Variants in FYB2 observed in about 807,000 individuals in gnomAD.
The protein encoded by FYB2 is FYN binding protein 2, also known as FYN-binding protein 2.
A neutral mutation model predicts 94.1 loss-of-function variants in FYB2; 103 were observed. The ratio of observed to expected loss-of-function variants is 1.09; its 90% confidence interval spans 0.93 to 1.29. The LOEUF (loss-of-function observed/expected upper bound fraction) is 1.29. FYB2 is among the 50% of genes most tolerant of loss of function. The pLI is 0.00. For missense variants in FYB2, 896 were observed against 841.5 expected, an observed-to-expected ratio of 1.06 and a Z score of -0.80; for synonymous variants, 293 against 287.9, an observed-to-expected ratio of 1.02 and a Z score of -0.18.
chr1:56,757,289 A>G (rs1348507774), intron 6 of FYB2, among the ~76,000 whole-genome samples: 1 of 152,098 alleles, frequency 6.6e-6, no homozygotes, highest in Non-Finnish European at 1.5e-5. Flanking sequence ...AGAAATAATA[A>G]TCATTCATAT....
At chr1:56,772,654 G>A (rs1479154144) in intron 4 of FYB2, among the ~76,000 whole-genome samples, 2 of 152,074 alleles carry the variant, frequency 1.3e-5, no homozygotes, top group Non-Finnish European at 2.9e-5. Flanking sequence ...CCTGGAACAT[G>A]GGGTCAGACA....
intron 5 of FYB2, among the ~76,000 whole-genome samples, chr1:56,767,475 G>A (rs1261205557): frequency 6.6e-6 from 1 of 152,062 alleles, no homozygotes. Context: ...AAGACACCAG[G>A]AGAAAAGAGA....
intron 9 of FYB2, 21 bp from the exon 10 acceptor site, chr1:56,744,287 C>A: frequency 6.4e-7 from 1 of 1,557,402 alleles, no homozygotes; most frequent in Non-Finnish European, 8.8e-7. Context: ...ACCAGAAAAC[C>A]TGAAAAACAT....
At chr1:56,759,310 G>C (rs1248776883) in intron 5 of FYB2, among the ~76,000 whole-genome samples, 1 of 152,112 alleles carries the variant, frequency 6.6e-6, no homozygotes, top group East Asian at 1.9e-4. Context: ...ATGGGGATCT[G>C]TTCTGAGAAA....
intron 4 of FYB2, among the ~76,000 whole-genome samples, chr1:56,783,000 C>T (rs889715830): frequency 6.6e-6 from 1 of 152,162 alleles, no homozygotes; most frequent in Non-Finnish European, 1.5e-5. Flanking sequence ...ATAGGGACTG[C>T]TTATTCAAGA....
chr1:56,747,711 C>T (rs537346395), intron 9 of FYB2, among the ~76,000 whole-genome samples: 15 of 152,150 alleles, frequency 9.9e-5, no homozygotes, highest in East Asian at 7.7e-4. Flanking sequence ...AATAAACATA[C>T]GTGTGCATGT....
chr1:56,749,066 T>TTG (rs977781973), intron 9 of FYB2, among the ~76,000 whole-genome samples: 1 of 151,738 alleles, frequency 6.6e-6, no homozygotes, highest in African/African-American at 2.4e-5. Flanking sequence ...TTTTTTTTTT[T>TTG]TGTGGGTGAT....
chr1:56,794,660 T>C (rs74073567), intron 1 of FYB2, among the ~76,000 whole-genome samples: 4,655 of 152,066 alleles, frequency 0.031, 230 homozygotes, highest in African/African-American at 0.11. Context: ...CTGTTCTCTC[T>C]TTATCTCTCT....
intron 5 of FYB2, among the ~76,000 whole-genome samples, chr1:56,763,971 A>G (rs1274263347): frequency 4.2e-5 from 6 of 143,424 alleles, no homozygotes; most frequent in African/African-American, 1.6e-4. Context: ...TTTTTTTTAG[A>G]TGGAGTTTTG....
intron 1 of FYB2, among the ~76,000 whole-genome samples, chr1:56,793,442 A>G (rs1646321206): frequency 6.6e-6 from 1 of 151,144 alleles, no homozygotes; most frequent in African/African-American, 2.5e-5. Context: ...CAAAAAAAAT[A>G]TAACTCCATT....
rs1453330374 is a variant in FYB2 at position 56,751,979 on chromosome 1, C to T, written c.1228-776G>A. 4.3e-4 allele frequency among the ~76,000 whole-genome samples: 65 copies of T among 151,806 alleles called. 1 individual carries two copies. Among genetic ancestry groups the T allele is most frequent in the Admixed American group, 4.3e-3 (65 of 15,230 alleles). On this transcript the variant is annotated intron_variant, in intron 8 of 19. Transcript: ENST00000343433. ...AGCAGATTTTATTAAATTGTATTTTCCAAATGTCAGTAGGAGATTGACAGA... is the reference window on the plus strand; with the variant it reads ...AGCAGATTTTATTAAATTGTATTTTTCAAATGTCAGTAGGAGATTGACAGA...
At chr1:56,724,178 A>G (rs1422461868) in intron 16 of FYB2, among the ~76,000 whole-genome samples, 1 of 151,980 alleles carries the variant, frequency 6.6e-6, no homozygotes, top group Non-Finnish European at 1.5e-5. Context: ...AAGTTGTTAA[A>G]CCTAATTGGG....
In FYB2 at chr1:56,744,059, G is replaced by C; in HGVS notation, c.1510C>G (p.Leu504Val). The part of the protein sequence containing the change: ...VEYSRKEVPK[L>V]NYSSSLASSS... Reference sequence around the variant, plus strand: ...GAGGCAAGTGAGCTAGAGTAGTTCAGCTTCGGTCTATGGGAGAAAATAACA... The same window carrying C: ...GAGGCAAGTGAGCTAGAGTAGTTCACCTTCGGTCTATGGGAGAAAATAACA... Residue 504 changes from leucine (L) to valine (V), a missense_variant, in exon 11 of 20, where the codon CTG (leucine) becomes GTG (valine). By Grantham distance (32) the Leu-to-Val change is conservative. Transcript: ENST00000343433. 1 of 1,612,608 alleles carries C rather than the reference G, an allele frequency of 6.2e-7. No individual in the cohort carries two copies. The highest frequency in any genetic ancestry group is 8.5e-7 in the Non-Finnish European group (1 of 1,179,256).
At chr1:56,800,519 C>A (rs1418462850) in intron 1 of FYB2, among the ~76,000 whole-genome samples, 2 of 152,078 alleles carry the variant, frequency 1.3e-5, no homozygotes, top group Non-Finnish European at 2.9e-5. Flanking sequence ...TAATTGCACC[C>A]CCATTATCTG....
Position 56,799,367 on chromosome 1 carries a change from T to A in FYB2, c.10-6564A>T, listed in dbSNP as rs374767917. Reference sequence around the variant, plus strand: ...CAATTTTGTATATGTCACATTTACTTTAGAGATTATGTTAAAAATGTAGCT... The same window carrying A: ...CAATTTTGTATATGTCACATTTACTATAGAGATTATGTTAAAAATGTAGCT... On this transcript the variant is annotated intron_variant, in intron 1 of 19. Transcript: ENST00000343433. Among the ~76,000 whole-genome samples the A allele has an allele frequency of 1.9e-4, 29 of 152,286 alleles. 2 individuals are homozygous for A. Among genetic ancestry groups the A allele is most frequent in the African/African-American group, 7.0e-4 (29 of 41,576 alleles).
intron 4 of FYB2, among the ~76,000 whole-genome samples, chr1:56,786,736 T>C (rs1316064422): frequency 6.6e-6 from 1 of 152,150 alleles, no homozygotes; most frequent in Non-Finnish European, 1.5e-5. Flanking sequence ...AAGGTCTCAA[T>C]AGATATTATT....
chr1:56,820,527 GT>G (rs1557682103), upstream of FYB2, among the ~76,000 whole-genome samples: 1 of 152,206 alleles, frequency 6.6e-6, no homozygotes, highest in East Asian at 1.9e-4. Context: ...GCTTTGTCAA[GT>G]TCTTAGAAAT....
At chr1:56,722,384 C>T (rs1236929054) in intron 17 of FYB2, among the ~76,000 whole-genome samples, 1 of 152,064 alleles carries the variant, frequency 6.6e-6, no homozygotes, top group Non-Finnish European at 1.5e-5. Flanking sequence ...TCTAGGAGCT[C>T]ATAGTGTAAT....
chr1:56,749,832 T>C (rs555681429), intron 9 of FYB2, among the ~76,000 whole-genome samples: 1 of 152,174 alleles, frequency 6.6e-6, no homozygotes, highest in East Asian at 1.9e-4. Context: ...AAAGTTAGCT[T>C]TGGCATGCAC....
Sources: allele counts gnomAD v4.1 joint callset (sites outside exome capture counted in the v4.1 genomes callset), GRCh38; gene constraint gnomAD v4.1.1; transcripts MANE v1.5; gene names NCBI Gene and HGNC (gene_info 2026-07-23, HGNC 2026-07-21).